The following CNTLN variants were observed in gnomAD, a reference collection of about 807,000 sequenced individuals.
The protein encoded by CNTLN is centlein, also known as centlein, centrosomal protein.
CNTLN carries 212 observed loss-of-function variants against 180.0 expected under a neutral mutation model. That is an observed-to-expected ratio of 1.18 (90% CI 1.05 to 1.32). CNTLN has a LOEUF of 1.32. Ranked by LOEUF, CNTLN falls within the 40% of genes most tolerant of loss-of-function variation. The pLI is 0.00. For synonymous variants in CNTLN, 722 were observed against 563.1 expected (o/e 1.28, Z -3.99); for missense variants, 2,095 against 1,610.9 (o/e 1.30, Z -5.14).
At chr9:17,136,876 G>A (rs1216387504) in intron 1 of CNTLN, among the ~76,000 whole-genome samples, 1 of 152,158 alleles carries the variant, frequency 6.6e-6, no homozygotes, top group Non-Finnish European at 1.5e-5. Context: ...GTTTTAAGAT[G>A]TGAACCCATG....
intron 2 of CNTLN, chr9:17,167,818 TA>T (rs1331844583): frequency 6.6e-6 from 1 of 152,110 alleles, no homozygotes; most frequent in Admixed American, 6.5e-5. Flanking sequence ...AGTATTATGT[TA>T]AAAAACTAGA....
chr9:17,398,108 T>C (rs1464334341), intron 15 of CNTLN, among the ~76,000 whole-genome samples: 2 of 152,182 alleles, frequency 1.3e-5, no homozygotes, highest in Non-Finnish European at 2.9e-5. Context: ...AGTTGAATAG[T>C]ATTTACAAGA....
At chr9:17,322,680 GATTA>G (rs1271760174) in intron 8 of CNTLN, among the ~76,000 whole-genome samples, 1 of 151,966 alleles carries the variant, frequency 6.6e-6, no homozygotes, top group Admixed American at 6.6e-5. Context: ...GCTTTTAGTG[GATTA>G]ATTAAACTGT....
chr9:17,268,572 G>C (rs543463423), intron 5 of CNTLN, among the ~76,000 whole-genome samples: 123 of 152,308 alleles, frequency 8.1e-4, no homozygotes, highest in African/African-American at 2.7e-3. Flanking sequence ...AAAGCTGTCA[G>C]ACAGGGACAT....
At chr9:17,406,480 A>G (rs1353503183) in intron 15 of CNTLN, among the ~76,000 whole-genome samples, 1 of 151,716 alleles carries the variant, frequency 6.6e-6, no homozygotes, top group Non-Finnish European at 1.5e-5. Context: ...CCAGATATCT[A>G]AAACAACCAA....
Position 17,310,232 on chromosome 9 carries a change from C to CAA in CNTLN, c.1341+982_1341+983dup, listed in dbSNP as rs571505797. 4.6e-5 allele frequency among the ~76,000 whole-genome samples: 7 copies of CAA among 152,164 alleles called. 1 individual carries two copies. The East Asian group carries it at 1.4e-3, about 29-fold the overall frequency. On this transcript the variant is annotated intron_variant, in intron 8 of 25. Transcript: ENST00000380647. Reference sequence around the variant, plus strand: ...TGATTCTCTTACAAGAGGTAACCACCAAACTTCTTATCATTTTGATTTTTT... The same window carrying CAA: ...TGATTCTCTTACAAGAGGTAACCACCAAAAACTTCTTATCATTTTGATTTTTT...
chr9:17,300,450 T>G (rs1227327893), intron 7 of CNTLN: 1 of 152,190 alleles, frequency 6.6e-6, no homozygotes, highest in Non-Finnish European at 1.5e-5. Context: ...ACTGAACGTG[T>G]TCAAAACAAA....
the CNTLN span, among the ~76,000 whole-genome samples, chr9:17,517,324 G>A: frequency 2.1e-3 from 322 of 151,480 alleles, 1 homozygote; most frequent in African/African-American, 7.5e-3. Context: ...CCCAGGAGGC[G>A]GAGCTTGCAG....
chr9:17,487,976 C>A (rs1160461408), intron 25 of CNTLN, among the ~76,000 whole-genome samples: 1 of 151,874 alleles, frequency 6.6e-6, no homozygotes, highest in Non-Finnish European at 1.5e-5. Context: ...TTTAAATGGA[C>A]TGGAATAAAT....
chr9:17,144,478 T>G (rs1175860528), intron 2 of CNTLN, among the ~76,000 whole-genome samples: 2 of 152,178 alleles, frequency 1.3e-5, no homozygotes, highest in Non-Finnish European at 2.9e-5. Context: ...ATTTCCGTGA[T>G]TCTTTATTCT....
At chr9:17,322,160 A>G (rs892128078) in intron 8 of CNTLN, among the ~76,000 whole-genome samples, 1 of 152,112 alleles carries the variant, frequency 6.6e-6, no homozygotes, top group Admixed American at 6.6e-5. Flanking sequence ...CCACACAAAT[A>G]TATGGGAAAT....
intron 12 of CNTLN, among the ~76,000 whole-genome samples, chr9:17,348,846 T>A (rs1296850096): frequency 6.6e-6 from 1 of 152,130 alleles, no homozygotes; most frequent in Non-Finnish European, 1.5e-5. Context: ...CTGCTTTCAT[T>A]GACGGAGCAT....
chr9:17,143,930 A>C (rs1288811565), intron 2 of CNTLN, among the ~76,000 whole-genome samples: 1 of 152,206 alleles, frequency 6.6e-6, no homozygotes, highest in African/African-American at 2.4e-5. Flanking sequence ...AAACAGTGGA[A>C]TGATGCTGGG....
the CNTLN span, among the ~76,000 whole-genome samples, chr9:17,523,771 A>G: frequency 6.6e-6 from 1 of 152,210 alleles, no homozygotes; most frequent in African/African-American, 2.4e-5. Flanking sequence ...GAAGTAGAAT[A>G]GCTGGTATCT....
At chr9:17,489,929 T>G (rs1246658185) in intron 25 of CNTLN, among the ~76,000 whole-genome samples, 2 of 152,178 alleles carry the variant, frequency 1.3e-5, no homozygotes, top group African/African-American at 4.8e-5. Flanking sequence ...TGCCTTTAAT[T>G]TCTTTGAACA....
intron 2 of CNTLN, among the ~76,000 whole-genome samples, chr9:17,225,179 G>A (rs116989016): frequency 0.038 from 5,825 of 151,910 alleles, 164 homozygotes; most frequent in South Asian, 0.14. Context: ...ATAAGCCTTG[G>A]TTCTAGGCAA....
At chr9:17,359,219 A>G (rs1389016880) in intron 12 of CNTLN, among the ~76,000 whole-genome samples, 1 of 151,948 alleles carries the variant, frequency 6.6e-6, no homozygotes, top group East Asian at 2.0e-4. Flanking sequence ...GGGTTATGCC[A>G]TGTTGCCCAG....
At chr9:17,336,371 T>G (rs112762495) in intron 10 of CNTLN, among the ~76,000 whole-genome samples, 3,262 of 152,316 alleles carry the variant, frequency 0.021, 121 homozygotes, top group African/African-American at 0.075. Flanking sequence ...AGTGTTTTTC[T>G]TTGAACTGTA....
At chr9:17,340,313 A>G (rs1041688167) in intron 10 of CNTLN, among the ~76,000 whole-genome samples, 3 of 152,142 alleles carry the variant, frequency 2.0e-5, no homozygotes, top group African/African-American at 7.2e-5. Flanking sequence ...AGGTTAAACT[A>G]TGCTCCTTCT....
Sources: gnomAD v4.1 joint callset for allele counts (sites outside exome capture counted in the v4.1 genomes callset) on GRCh38, gnomAD v4.1.1 for gene constraint, MANE v1.5 for transcripts, NCBI Gene and HGNC (gene_info 2026-07-23, HGNC 2026-07-21) for gene names.